The following ANO4 variants were observed in gnomAD, a reference collection of about 807,000 sequenced individuals.
ANO4 encodes anoctamin 4.
In ANO4, 69 loss-of-function variants were observed where a neutral mutation model predicts 141.9. The observed-to-expected ratio is 0.49, with a 90% CI of 0.40 to 0.59. The LOEUF (loss-of-function observed/expected upper bound fraction) is 0.59, where lower values mean the gene tolerates loss of function less well. ANO4 is among the 20% of genes least tolerant of loss of function. ANO4 has a pLI of 0.00. For missense variants in ANO4, 894 were observed against 1,162.2 expected (o/e 0.77, Z 3.36); for synonymous variants, 350 against 394.3 (o/e 0.89, Z 1.33).
chr12:101,047,345 G>A (rs2047674182), intron 13 of ANO4, among the ~76,000 whole-genome samples: 3 of 152,146 alleles, frequency 2.0e-5, no homozygotes, highest in Non-Finnish European at 4.4e-5. Context: ...GATACTGAGT[G>A]CCCAATATAC....
intron 1 of ANO4, among the ~76,000 whole-genome samples, chr12:100,804,140 C>A (rs1023951564): frequency 6.6e-6 from 1 of 152,202 alleles, no homozygotes; most frequent in Middle Eastern, 3.4e-3. Context: ...TGTGTTGTTC[C>A]CCACAGTGTG....
intron 8 of ANO4, among the ~76,000 whole-genome samples, chr12:100,992,081 C>G (rs929387390): frequency 6.6e-6 from 1 of 152,168 alleles, no homozygotes; most frequent in African/African-American, 2.4e-5. Flanking sequence ...TATCTCTATA[C>G]TTCAGACTTT....
intron 13 of ANO4, chr12:101,048,089 G>A (rs1005622637): frequency 8.4e-6 from 10 of 1,187,744 alleles, no homozygotes; most frequent in Non-Finnish European, 1.1e-5. Context: ...AGCACTATTG[G>A]GGATGCTGAT....
chr12:100,735,223 T>G (rs934286141), intron 2 of ANO4, among the ~76,000 whole-genome samples: 15 of 152,164 alleles, frequency 9.9e-5, no homozygotes, highest in African/African-American at 3.4e-4. Context: ...GTGCCAAACC[T>G]GATAGAAACA....
upstream of ANO4, among the ~76,000 whole-genome samples, chr12:100,792,112 C>T (rs930873433): frequency 3.3e-5 from 5 of 152,110 alleles, no homozygotes; most frequent in Non-Finnish European, 7.4e-5. Flanking sequence ...CACTTTTTCT[C>T]CTTAGGCTAG....
intron 5 of ANO4, among the ~76,000 whole-genome samples, chr12:100,970,698 C>G (rs148644076): frequency 0.18 from 23,422 of 128,334 alleles, 2,997 homozygotes; most frequent in East Asian, 0.41. Flanking sequence ...TCCTTCCTTC[C>G]TTCCTTCCTT....
In ANO4 at chr12:101,099,676, A is replaced by G; in HGVS notation, c.2105A>G (p.Gln702Arg). 1.2e-6 allele frequency: 2 copies of G among 1,610,792 alleles called. No individual in the cohort carries two copies. The highest frequency in any genetic ancestry group is 1.7e-6 in the Non-Finnish European group (2 of 1,179,014). Reference protein sequence around the residue: ...FPQWEKDYNLQPMNAYGLFDE... With the variant: ...FPQWEKDYNLRPMNAYGLFDE... ...CAATGGGAAAAGGACTATAACCTTCAGCCGATGAATGCCTATGGACTCTTC... is the reference window on the plus strand; with the variant it reads ...CAATGGGAAAAGGACTATAACCTTCGGCCGATGAATGCCTATGGACTCTTC... The change falls in exon 22 of 28, where the codon CAG (glutamine) becomes CGG (arginine). Residue 702 changes from glutamine to arginine, a missense_variant. Gln to Arg is a conservative substitution (Grantham distance 43, BLOSUM62 1). This residue lies in a region of ANO4 where 637 missense variants were observed against 909.2 expected (regional missense o/e 0.70). Transcript: ENST00000392977.
chr12:100,862,692 A>C (rs1347035724), intron 1 of ANO4, among the ~76,000 whole-genome samples: 1 of 152,178 alleles, frequency 6.6e-6, no homozygotes, highest in East Asian at 1.9e-4. Flanking sequence ...AACTGGCAGC[A>C]CAGTAGGTTT....
chr12:100,768,162 C>T (rs903678439), intron 3 of ANO4, among the ~76,000 whole-genome samples: 2 of 152,166 alleles, frequency 1.3e-5, no homozygotes, highest in African/African-American at 4.8e-5. Flanking sequence ...TGAAAACAAG[C>T]TTGGATCCTG....
chr12:101,089,574 C>T (rs992652708), intron 17 of ANO4, among the ~76,000 whole-genome samples: 7 of 152,110 alleles, frequency 4.6e-5, no homozygotes, highest in Non-Finnish European at 1.0e-4. Flanking sequence ...TGTTTTGCAT[C>T]CCATTAGGAT....
At chr12:100,916,580 G>C (rs1467558254) in intron 2 of ANO4, among the ~76,000 whole-genome samples, 1 of 152,074 alleles carries the variant, frequency 6.6e-6, no homozygotes, top group African/African-American at 2.4e-5. Context: ...ATCTAGATAT[G>C]GAAAAACTAG....
At chr12:101,120,448 A>G (rs2051039433) in intron 25 of ANO4, 72 bp from the exon 26 acceptor site, 1 of 1,314,368 alleles carries the variant, frequency 7.6e-7, no homozygotes, top group East Asian at 2.3e-5. Flanking sequence ...AGGACTATAT[A>G]ATGAGAATGG....
At chr12:100,998,360 ATACT>A (rs2045481807) in intron 8 of ANO4, among the ~76,000 whole-genome samples, 2 of 147,168 alleles carry the variant, frequency 1.4e-5, no homozygotes, top group South Asian at 4.4e-4. Context: ...ATGTGAGTTA[ATACT>A]TAATAAACTC....
chr12:100,776,839 G>A (rs1425495930), intron 3 of ANO4, among the ~76,000 whole-genome samples: 1 of 152,106 alleles, frequency 6.6e-6, no homozygotes, highest in Non-Finnish European at 1.5e-5. Flanking sequence ...GATTAACTTT[G>A]GATGACTGGC....
In ANO4 at chr12:100,825,892, T is replaced by A. The variant is rs537336994; in HGVS notation, c.-141+30865T>A. ...TGGAGGATTTAAGTGTTATTATGTA[T>A]AATATGTTAGCTATTAATTTTTAAA... is the stretch of plus-strand genomic sequence containing the variant. On this transcript the variant is annotated intron_variant, in intron 1 of 27. Coordinates refer to ENST00000392977, the MANE Select transcript of ANO4 (RefSeq NM_001286615.2). Among the ~76,000 whole-genome samples, 34 of 152,234 alleles carry A rather than the reference T, an allele frequency of 2.2e-4. No individual in the cohort carries two copies. The South Asian group carries it at 4.6e-3, about 20-fold the overall frequency.
chr12:100,996,372 C>T (rs969838974), intron 8 of ANO4, among the ~76,000 whole-genome samples: 4 of 152,106 alleles, frequency 2.6e-5, no homozygotes, highest in Non-Finnish European at 5.9e-5. Context: ...GTGCTGGGGT[C>T]ATGGAGGGTT....
At chr12:100,825,313 C>G (rs2036270837) in intron 1 of ANO4, among the ~76,000 whole-genome samples, 1 of 151,988 alleles carries the variant, frequency 6.6e-6, no homozygotes, top group Non-Finnish European at 1.5e-5. Flanking sequence ...TGAGGGACTG[C>G]TCTGGGCCTC....
At chr12:101,098,974 A>G (rs537547192) in intron 21 of ANO4, among the ~76,000 whole-genome samples, 113 of 152,154 alleles carry the variant, frequency 7.4e-4, no homozygotes, top group African/African-American at 2.6e-3. Flanking sequence ...ATGCTTTCTC[A>G]TATTACAAAA....
chr12:100,740,699 C>T (rs7136983), intron 3 of ANO4, among the ~76,000 whole-genome samples: 38,570 of 152,020 alleles, frequency 0.25, 5,116 homozygotes, highest in East Asian at 0.47. Flanking sequence ...TGGCTGGCTA[C>T]CTGTTTTTGT....
Sources: gnomAD v4.1 joint callset for allele counts (sites outside exome capture counted in the v4.1 genomes callset) on GRCh38, gnomAD v4.1.1 for gene constraint, gnomAD v4.1.1 regional missense constraint, MANE v1.5 for transcripts, NCBI Gene and HGNC (gene_info 2026-07-23, HGNC 2026-07-21) for gene names.